The following NF1 variants were observed in gnomAD, a reference collection of about 807,000 sequenced individuals.
The protein encoded by NF1 is neurofibromin.
In NF1, 122 loss-of-function variants were observed where a neutral mutation model predicts 325.7. The observed-to-expected ratio is 0.37, with a 90% CI of 0.32 to 0.44. The LOEUF (loss-of-function observed/expected upper bound fraction) is 0.44, where lower values mean the gene tolerates loss of function less well. Ranked by LOEUF, NF1 falls within the 20% of genes least tolerant of loss-of-function variation. The pLI is 1.00. For missense variants in NF1, 2,140 were observed against 3,415.4 expected, an observed-to-expected ratio of 0.63 and a Z score of 9.31; for synonymous variants, 1,091 against 1,186.0, an observed-to-expected ratio of 0.92 and a Z score of 1.65.
rs1240233000 is a variant in NF1, at chr17:31,227,561, A to G, written c.2364A>G (p.Thr788=). The G allele has an allele frequency of 1.9e-6, 3 of 1,613,826 alleles. No homozygotes were observed. The highest frequency in any genetic ancestry group is 2.5e-6 in the Non-Finnish European group (3 of 1,179,856). The stretch of plus-strand genomic sequence containing the variant: ...CACATGCAAAATGGGAACAAGCAAC[A>G]AAGCTAATCCTTAACTATCCAAAAG... ...EDTHAKWEQA[T]KLILNYPKAK... The change falls in exon 20 of 58, where the codon ACA becomes ACG. Residue 788 remains threonine, a synonymous_variant. Coordinates refer to ENST00000358273, the MANE Select transcript of NF1 (RefSeq NM_001042492.3).
chr17:31,226,412 T>C, intron 17 of NF1, 23 bp from the exon 18 acceptor site: 1 of 1,609,820 alleles, frequency 6.2e-7, no homozygotes. Context: ...TGCAAATATA[T>C]GTCTTCCACC....
At chr17:31,311,557 G>T (rs2068877103) in intron 36 of NF1, among the ~76,000 whole-genome samples, 1 of 152,190 alleles carries the variant, frequency 6.6e-6, no homozygotes, top group South Asian at 2.1e-4. Flanking sequence ...AGTGGAAAGA[G>T]AAATTGACCT....
At chr17:31,299,443 ATAGT>A (rs1250294543) in intron 36 of NF1, 6 of 152,078 alleles carry the variant, frequency 3.9e-5, no homozygotes, top group African/African-American at 9.7e-5. Flanking sequence ...GTCAGTAATG[ATAGT>A]TAGGCAACTT....
At chr17:31,363,715 C>T (rs1404963037) in intron 57 of NF1, among the ~76,000 whole-genome samples, 1 of 150,796 alleles carries the variant, frequency 6.6e-6, no homozygotes, top group Admixed American at 6.6e-5. Flanking sequence ...GGATTACAGG[C>T]GTGAGCCACT....
chr17:31,363,943 G>A (rs1181260665), intron 57 of NF1, among the ~76,000 whole-genome samples: 1 of 151,290 alleles, frequency 6.6e-6, no homozygotes, highest in Non-Finnish European at 1.5e-5. Context: ...GTTTCCCCAT[G>A]TTGACCAGGC....
chr17:31,248,339 C>T lies in NF1; in HGVS notation c.3975-645C>T, dbSNP rs541395706. On this transcript the variant is annotated intron_variant, in intron 29 of 57. Coordinates refer to ENST00000358273, the MANE Select transcript of NF1 (RefSeq NM_001042492.3). ...GATATTCTTGTTTTATCTGTCCCCT[C>T]TCTCCCCCTTTTGTTGCTTGGGTAT... Among the ~76,000 whole-genome samples, 7 of 152,056 alleles carry T rather than the reference C, an allele frequency of 4.6e-5. No homozygotes were observed. The East Asian group carries it at 1.4e-3, about 29-fold the overall frequency.
intron 29 of NF1, among the ~76,000 whole-genome samples, chr17:31,243,062 T>TACC (rs1224260488): frequency 6.6e-6 from 1 of 152,208 alleles, no homozygotes; most frequent in African/African-American, 2.4e-5. Context: ...CTCATAGCGG[T>TACC]ACCACCTTGG....
intron 18 of NF1, among the ~76,000 whole-genome samples, 182 bp downstream of exon 18, chr17:31,226,866 C>G (rs182460692): frequency 5.9e-5 from 9 of 152,320 alleles, no homozygotes; most frequent in African/African-American, 2.2e-4. Flanking sequence ...AATTGTTAGT[C>G]TTCCACTGAG....
chr17:31,117,012 C>T (rs1035761998), intron 1 of NF1, among the ~76,000 whole-genome samples: 16 of 144,978 alleles, frequency 1.1e-4, no homozygotes, highest in African/African-American at 3.6e-4. Flanking sequence ...GAGATGGAGT[C>T]TCACTATTGC....
chr17:31,274,165 C>G (rs1056140374), intron 36 of NF1, among the ~76,000 whole-genome samples: 11 of 152,038 alleles, frequency 7.2e-5, no homozygotes, highest in Non-Finnish European at 1.5e-4. Context: ...GAAAGTGATA[C>G]TTTTTCATAC....
At chr17:31,304,065 A>G (rs1018349030) in intron 36 of NF1, 28 of 504,052 alleles carry the variant, frequency 5.6e-5, no homozygotes, top group Non-Finnish European at 9.7e-5. Context: ...TAGGTACTAT[A>G]ATTAGTAAAT....
intron 8 of NF1, among the ~76,000 whole-genome samples, chr17:31,185,442 A>G (rs1057063588): frequency 3.3e-5 from 5 of 152,328 alleles, no homozygotes; most frequent in African/African-American, 1.2e-4. Flanking sequence ...TAGCAAACGC[A>G]CTGGACTTAT....
chr17:31,112,000 A>C (rs940487708), intron 1 of NF1, among the ~76,000 whole-genome samples: 3 of 152,192 alleles, frequency 2.0e-5, no homozygotes, highest in African/African-American at 7.2e-5. Flanking sequence ...GTATAATTTG[A>C]TGAGTTTTGA....
chr17:31,154,345 C>A (rs13341503), intron 1 of NF1, among the ~76,000 whole-genome samples: 8,345 of 152,144 alleles, frequency 0.055, 735 homozygotes, highest in African/African-American at 0.19. Flanking sequence ...ATGTGAGCCA[C>A]CGCACCTGGC....
intron 36 of NF1, chr17:31,278,119 A>C (rs1316172248): frequency 6.6e-6 from 1 of 152,186 alleles, no homozygotes; most frequent in Admixed American, 6.5e-5. Context: ...CCTTGTCTCT[A>C]AAAAACAAAA....
chr17:31,301,640 A>T (rs2068576266), intron 36 of NF1, among the ~76,000 whole-genome samples: 1 of 152,200 alleles, frequency 6.6e-6, no homozygotes, highest in Non-Finnish European at 1.5e-5. Flanking sequence ...TGCATGATGT[A>T]GGTGCTCTTT....
chr17:31,335,300 A>AAATATATATT lies in NF1; in HGVS notation c.6006+269_6006+270insAATATATATT, dbSNP rs1392598458. On this transcript the variant is annotated intron_variant, in intron 40 of 57. Coordinates refer to ENST00000358273, the MANE Select transcript of NF1 (RefSeq NM_001042492.3). Reference sequence around the variant, plus strand: ...TATATATATATATATATATATAATTATGCCTTGAAGGAGACTGTGCAAATA... The same window carrying AAATATATATT: ...TATATATATATATATATATATAATTAAATATATATTTGCCTTGAAGGAGACTGTGCAAATA... Among the ~76,000 whole-genome samples the AAATATATATT allele has an allele frequency of 3.0e-5, 2 of 66,086 alleles. 1 individual carries two copies. The highest frequency in any genetic ancestry group is 7.9e-5 in the Non-Finnish European group (2 of 25,442). The allele number at this position is 66,086 out of a possible 152,430, so 43.4% of individuals were successfully genotyped here. A position where few individuals can be genotyped will look rare whatever the true frequency, so the allele number is the denominator to read the frequency against.
chr17:31,337,740 T>G, intron 43 of NF1, 79 bp from the exon 44 acceptor site: 1 of 1,499,346 alleles, frequency 6.7e-7, no homozygotes, highest in Non-Finnish European at 9.2e-7. Flanking sequence ...GGTCACTTAA[T>G]GACATCATAA....
chr17:31,240,312 A>T (rs2067274036), intron 29 of NF1, among the ~76,000 whole-genome samples: 1 of 151,460 alleles, frequency 6.6e-6, no homozygotes, highest in African/African-American at 2.4e-5. Context: ...TTTAGCTTCC[A>T]CAAATAAGAG....
Sources: gnomAD v4.1 joint callset for allele counts (sites outside exome capture counted in the v4.1 genomes callset) on GRCh38, gnomAD v4.1.1 for gene constraint, MANE v1.5 for transcripts, NCBI Gene and HGNC (gene_info 2026-07-23, HGNC 2026-07-21) for gene names.